Variants in TTC28 observed in about 807,000 individuals in gnomAD.
TTC28 encodes the protein tetratricopeptide repeat protein 28.
In TTC28, 61 loss-of-function variants were observed where a neutral mutation model predicts 198.0. The ratio of observed to expected loss-of-function variants is 0.31; its 90% CI spans 0.25 to 0.38. The LOEUF (loss-of-function observed/expected upper bound fraction) is 0.38. Among genes scored for constraint, TTC28 ranks in the 10% least tolerant of loss-of-function variants. The pLI is 1.00. For missense variants in TTC28, 2,678 were observed against 3,164.0 expected, an observed-to-expected ratio of 0.85 and a Z score of 3.69; for synonymous variants, 1,171 against 1,297.8, an observed-to-expected ratio of 0.90 and a Z score of 2.10.
intron 2 of TTC28, among the ~76,000 whole-genome samples, chr22:28,577,767 G>A (rs2050173643): frequency 6.6e-6 from 1 of 151,976 alleles, no homozygotes; most frequent in African/African-American, 2.4e-5. Flanking sequence ...TACTTTGTCT[G>A]ATATAAATAT....
intron 6 of TTC28, among the ~76,000 whole-genome samples, chr22:28,114,579 ATTTTTT>A (rs68190158): frequency 1.4e-5 from 2 of 138,964 alleles, no homozygotes; most frequent in Non-Finnish European, 1.6e-5. Flanking sequence ...AAAGGTATAG[ATTTTTT>A]TTTTTTTTTT....
chr22:28,338,980 C>T (rs145071315), intron 2 of TTC28, among the ~76,000 whole-genome samples: 122 of 152,306 alleles, frequency 8.0e-4, no homozygotes, highest in African/African-American at 2.9e-3. Flanking sequence ...TTTTTCTGCT[C>T]TGTTTTTTCC....
intron 21 of TTC28, among the ~76,000 whole-genome samples, chr22:27,988,327 G>A (rs1031419441): frequency 2.0e-4 from 28 of 136,784 alleles, no homozygotes; most frequent in African/African-American, 6.9e-4. Context: ...TGCTCTTGTC[G>A]CCCAGGCTGG....
At chr22:28,442,411 C>T (rs1412815512) in intron 2 of TTC28, among the ~76,000 whole-genome samples, 1 of 152,200 alleles carries the variant, frequency 6.6e-6, no homozygotes, top group Non-Finnish European at 1.5e-5. Flanking sequence ...TGGGGCTGCT[C>T]GCCCCCCAGC....
At chr22:28,201,751 C>CAAAAAAAAAAAAAAAAAAAAAAAAAAAAA (rs34790960) in intron 5 of TTC28, among the ~76,000 whole-genome samples, 4 of 81,008 alleles carry the variant, frequency 4.9e-5, no homozygotes, top group African/African-American at 2.0e-4. Flanking sequence ...TTACAGAAAG[C>CAAAAAAAAAAAAAAAAAAAAAAAAAAAAA]AAAAAAAAAA....
At chr22:28,339,433 T>A (rs1295163176) in intron 2 of TTC28, among the ~76,000 whole-genome samples, 2 of 152,182 alleles carry the variant, frequency 1.3e-5, no homozygotes, top group Non-Finnish European at 2.9e-5. Flanking sequence ...GACAGGGACA[T>A]TTAAGTCTGC....
At chr22:28,499,277 C>T (rs9620797) in intron 2 of TTC28, among the ~76,000 whole-genome samples, 16 of 151,922 alleles carry the variant, frequency 1.1e-4, no homozygotes, top group African/African-American at 2.7e-4. Context: ...TGAAAATAAA[C>T]GAGAAATTTC....
At position 28,368,344 on chromosome 22, in the gene TTC28, G is replaced by A. The variant is rs546215884; in HGVS notation, c.382-61701C>T. 1.7e-3 allele frequency among the ~76,000 whole-genome samples: 258 copies of A among 152,046 alleles called. 1 individual carries two copies. The highest frequency in any genetic ancestry group is 4.0e-3 in the African/African-American group (165 of 41,540). On this transcript the variant is annotated intron_variant, in intron 2 of 22. Coordinates refer to ENST00000397906, the MANE Select transcript of TTC28 (RefSeq NM_001145418.2). ...GGAAAAGCATTTGATAAAGTTCAAC[G>A]TCCCTTCATGATAAAAACCTTCAAA...
chr22:27,987,530 G>A (rs1157491961), intron 21 of TTC28, among the ~76,000 whole-genome samples: 1 of 152,046 alleles, frequency 6.6e-6, no homozygotes, highest in Admixed American at 6.5e-5. Flanking sequence ...TCAGGAGCTG[G>A]AGAACAGCCT....
intron 2 of TTC28, among the ~76,000 whole-genome samples, chr22:28,475,149 C>CAAAAAAAAAAAAAAAAAAAA (rs386395148): frequency 4.6e-5 from 3 of 65,000 alleles, no homozygotes; most frequent in African/African-American, 6.4e-5. Context: ...GACTCCATCT[C>CAAAAAAAAAAAAAAAAAAAA]AAAAAAAAAA....
In TTC28 at chr22:28,576,079, G is replaced by A. The variant is rs953511907; in HGVS notation, c.381+53473C>T. On this transcript the variant is annotated intron_variant, in intron 2 of 22. Coordinates refer to ENST00000397906, the MANE Select transcript of TTC28 (RefSeq NM_001145418.2). ...GCATCTTTTCCTGTTCTAGATCTAA[G>A]ATGAAAGTCTTTCGATTTTTCCCCA... is the stretch of plus-strand genomic sequence containing the variant. Among the ~76,000 whole-genome samples, 14 of 152,140 alleles carry A rather than the reference G, an allele frequency of 9.2e-5. No individual in the cohort carries two copies. In the Middle Eastern group the frequency reaches 0.01, roughly 111 times the overall value.
At chr22:28,041,867 G>T (rs1030966115) in intron 12 of TTC28, among the ~76,000 whole-genome samples, 15 of 151,074 alleles carry the variant, frequency 9.9e-5, no homozygotes, top group Non-Finnish European at 1.6e-4. Context: ...AATCTACAAA[G>T]AACTCAAACA....
chr22:28,150,413 G>A (rs1017372308), intron 6 of TTC28, among the ~76,000 whole-genome samples: 2 of 152,126 alleles, frequency 1.3e-5, no homozygotes, highest in African/African-American at 4.8e-5. Flanking sequence ...ACCTCCAAAT[G>A]TCTACCTAAA....
At position 27,998,555 on chromosome 22, in the gene TTC28, G is replaced by A. The variant is rs1309798681; in HGVS notation, c.5104C>T (p.Pro1702Ser). 3 of 1,549,824 alleles carry A rather than the reference G, an allele frequency of 1.9e-6. No homozygotes were observed. Among genetic ancestry groups the A allele is most frequent in the Non-Finnish European group, 8.7e-7 (1 of 1,146,564 alleles). ...GAACTCCCACCTGCCCAGTTGGAGGGGTGCGAGAAGGCCTTGCTGCTCTGC... is the reference window on the plus strand; with the variant it reads ...GAACTCCCACCTGCCCAGTTGGAGGAGTGCGAGAAGGCCTTGCTGCTCTGC... Reference protein sequence around the residue: ...VVQSSKAFSHPSNWAGFMLIG... With the variant: ...VVQSSKAFSHSSNWAGFMLIG... Residue 1702 changes from proline to serine, a missense_variant, in exon 16 of 23, where the codon CCC becomes TCC. Pro to Ser is a moderately conservative substitution (Grantham distance 74, BLOSUM62 -1). Around this residue, in one of 8 missense-constraint regions of TTC28, gnomAD observed 314 missense variants for 442.7 expected, o/e 0.71. Transcript: ENST00000397906.
chr22:27,999,101 A>T lies in TTC28; in HGVS notation c.4558T>A (p.Cys1520Ser). 3.9e-6 allele frequency: 6 copies of T among 1,550,612 alleles called. No individual in the cohort carries two copies. Among genetic ancestry groups the T allele is most frequent in the Non-Finnish European group, 5.2e-6 (6 of 1,146,994 alleles). The stretch of plus-strand genomic sequence containing the variant: ...GCCACACTGCCCACTAGGGGCTGGC[A>T]GCCCAGCAGCTCGGACACCATGTAG... ...EAYMVSELLG[C>S]QPLVGSVATK... is the part of the protein sequence containing the mutation. The change falls in exon 16 of 23, where the codon TGC becomes AGC. Residue 1520 changes from cysteine to serine, a missense_variant. Cys to Ser is a moderately radical substitution (Grantham distance 112). This residue lies in a region of TTC28 where 727 missense variants were observed against 861.9 expected (regional missense o/e 0.84). Coordinates refer to ENST00000397906, the MANE Select transcript of TTC28 (RefSeq NM_001145418.2).
chr22:28,182,880 A>G (rs1448669584), intron 5 of TTC28, among the ~76,000 whole-genome samples: 2 of 152,172 alleles, frequency 1.3e-5, no homozygotes, highest in African/African-American at 4.8e-5. Context: ...AACTTTGTTT[A>G]AACCAAATTA....
intron 6 of TTC28, among the ~76,000 whole-genome samples, chr22:28,110,664 G>A (rs1449307622): frequency 1.3e-5 from 2 of 152,132 alleles, no homozygotes; most frequent in African/African-American, 4.8e-5. Context: ...GGCTGGGTGT[G>A]GTGGCTCACA....
intron 2 of TTC28, among the ~76,000 whole-genome samples, chr22:28,506,895 AT>A (rs1196711949): frequency 2.0e-5 from 3 of 152,220 alleles, no homozygotes; most frequent in Non-Finnish European, 4.4e-5. Flanking sequence ...CCCACAAAAA[AT>A]CCATTCAAAG....
chr22:28,590,419 A>G (rs780063190), intron 2 of TTC28, among the ~76,000 whole-genome samples: 28 of 151,988 alleles, frequency 1.8e-4, no homozygotes, highest in African/African-American at 4.3e-4. Context: ...GTGAGCCACC[A>G]CGCCCAGCCT....
Sources: allele counts gnomAD v4.1 joint callset (sites outside exome capture counted in the v4.1 genomes callset), GRCh38; gene constraint gnomAD v4.1.1; regional missense constraint gnomAD v4.1.1; transcripts MANE v1.5; gene names NCBI Gene and HGNC (gene_info 2026-07-23, HGNC 2026-07-21).